The following GNB1L variants were observed in gnomAD, a reference collection of about 807,000 sequenced individuals.
GNB1L encodes G protein subunit beta 1 like, also known as guanine nucleotide-binding protein subunit beta-like protein 1.
Under a neutral mutation model 29.1 loss-of-function variants are expected in GNB1L, and 20 were observed. That is an observed-to-expected ratio of 0.69 (90% CI 0.48 to 1.00). The LOEUF (loss-of-function observed/expected upper bound fraction) is 1.00. Ranked by LOEUF, GNB1L falls within the 50% of genes least tolerant of loss-of-function variation. The pLI, the probability that GNB1L is intolerant of heterozygous loss-of-function variation, is 0.00. For missense variants in GNB1L, 421 were observed against 464.9 expected, an observed-to-expected ratio of 0.91 and a Z score of 0.87; for synonymous variants, 193 against 206.5, an observed-to-expected ratio of 0.93 and a Z score of 0.56.
intron 6 of GNB1L, among the ~76,000 whole-genome samples, chr22:19,804,778 G>C (rs374623495): frequency 6.6e-6 from 1 of 152,296 alleles, no homozygotes; most frequent in East Asian, 1.9e-4. Flanking sequence ...ACAGAAACAC[G>C]ATTTGTCCTC....
intron 2 of GNB1L, chr22:19,850,046 T>A: frequency 2.0e-6 from 2 of 985,778 alleles, no homozygotes; most frequent in South Asian, 4.7e-5. Flanking sequence ...GGAAGTCAGT[T>A]CTCTACCTGC....
At chr22:19,847,035 A>T in intron 2 of GNB1L, 1 of 985,434 alleles carries the variant, frequency 1.0e-6, no homozygotes, top group Non-Finnish European at 1.2e-6. Context: ...CCCAGCCCAT[A>T]GGATGATCAG....
At chr22:19,815,103 G>T (rs1937519540) in intron 4 of GNB1L, among the ~76,000 whole-genome samples, 1 of 152,070 alleles carries the variant, frequency 6.6e-6, no homozygotes, top group African/African-American at 2.4e-5. Context: ...AAGGGACTAA[G>T]GAGACGTGAC....
chr22:19,848,489 G>A, intron 2 of GNB1L: 4 of 985,508 alleles, frequency 4.1e-6, no homozygotes, highest in Non-Finnish European at 4.8e-6. Flanking sequence ...GAAAGGAGCT[G>A]TGTGCACTGC....
rs570972299 is a variant in GNB1L at position 19,816,082 on chromosome 22, G to A, written c.255-3635C>T. ...CGACAGCCCACAGCCATCCTGGGGC[G>A]TCGTGGCCTGTGTGGGGCCTCGCGG... On this transcript the variant is annotated intron_variant, in intron 4 of 7. Transcript: ENST00000329517. The surrounding 1 kb of genome is among the most constrained non-coding windows in gnomAD (Gnocchi z 4.4). 3.3e-5 allele frequency among the ~76,000 whole-genome samples: 5 copies of A among 152,298 alleles called. No individual in the cohort carries two copies. The highest frequency in any genetic ancestry group is 2.1e-4 in the South Asian group (1 of 4,832).
At chr22:19,793,007 C>G in intron 7 of GNB1L, 1 of 1,584,120 alleles carries the variant, frequency 6.3e-7, no homozygotes, top group Non-Finnish European at 8.6e-7. Context: ...GTCACTGGGG[C>G]GGCAACATCC....
Position 19,812,579 on chromosome 22 carries a change from G to A in GNB1L, c.255-132C>T, listed in dbSNP as rs557267197. 2,907 of 847,626 alleles carry A rather than the reference G, an allele frequency of 3.4e-3. 14 individuals carry two copies. Among genetic ancestry groups the A allele is most frequent in the Non-Finnish European group, 4.6e-3 (2,576 of 556,418 alleles). 52.5% of individuals were successfully genotyped at this position (847,626 alleles called of 1,614,324 possible). On this transcript the variant is annotated intron_variant, in intron 4 of 7. Coordinates refer to ENST00000329517, the MANE Select transcript of GNB1L (RefSeq NM_053004.3). ...CCGTGAGCTTGGATCATCGCAGGTC[G>A]GGAGCCTCAGCTGAGGAAGGGCCTC...
chr22:19,850,279 G>C (rs1263299975), intron 2 of GNB1L: 3 of 983,368 alleles, frequency 3.1e-6, no homozygotes, highest in African/African-American at 3.5e-5. Context: ...TTGTGTACCA[G>C]GCCACAGAGC....
Position 19,821,336 on chromosome 22 carries a change from G to A in GNB1L, c.20C>T (p.Pro7Leu), listed in dbSNP as rs139566986. The change falls in exon 3 of 8, where the codon CCG becomes CTG. Residue 7 changes from proline (P) to leucine (L), a missense_variant. Pro to Leu is a moderately conservative substitution (Grantham distance 98, BLOSUM62 -3). Coordinates refer to ENST00000329517, the MANE Select transcript of GNB1L (RefSeq NM_053004.3). ...GACAAACTGGGGGTCTGGAGGTGGC[G>A]GCGGGCAGGGGGCCGTCATGCTGGG... MTAPCP[P>L]PPPDPQFVLR... The A allele has an allele frequency of 4.8e-5, 78 of 1,612,706 alleles. No individual in the cohort carries two copies. In the Middle Eastern group the frequency reaches 6.6e-4, roughly 14 times the overall value.
At chr22:19,845,167 A>G (rs1325405189) in intron 2 of GNB1L, among the ~76,000 whole-genome samples, 20 of 152,210 alleles carry the variant, frequency 1.3e-4, no homozygotes, top group Admixed American at 1.2e-3. Flanking sequence ...TGGTGTGGCC[A>G]GGTGTATGTC....
At chr22:19,806,816 A>C (rs2145871527) in intron 5 of GNB1L, 59 bp from the exon 6 acceptor site, 1 of 1,173,788 alleles carries the variant, frequency 8.5e-7, no homozygotes, top group Non-Finnish European at 1.3e-6. Flanking sequence ...GCGCTATACA[A>C]ACAAGAGACT....
intron 2 of GNB1L, chr22:19,852,371 G>C: frequency 8.2e-7 from 1 of 1,223,336 alleles, no homozygotes; most frequent in Admixed American, 2.2e-5. Flanking sequence ...AACAGGGCGT[G>C]GCAGACCCGC....
chr22:19,787,275 A>G lies in GNB1L; in HGVS notation c.*1434T>C, dbSNP rs1314886951. The G allele has an allele frequency of 6.6e-6, 1 of 152,472 alleles. No homozygotes were observed. The highest frequency in any genetic ancestry group is 1.5e-5 in the Non-Finnish European group (1 of 68,360). 9.4% of individuals were successfully genotyped at this position (152,472 alleles called of 1,614,324 possible). ...TACCCCACGGCGGCTGGCCATGTCC[A>G]CTTCACTCAGTGCAGCCACCCTCAG... On this transcript the variant is annotated 3_prime_UTR_variant, in exon 8 of 8. Transcript: ENST00000329517.
At chr22:19,842,014 G>A (rs2145897360) in intron 2 of GNB1L, among the ~76,000 whole-genome samples, 1 of 152,326 alleles carries the variant, frequency 6.6e-6, no homozygotes, top group East Asian at 1.9e-4. Flanking sequence ...GGTGGCTGGT[G>A]AATGGGCTCC....
At chr22:19,823,785 T>C (rs1378087281) in intron 2 of GNB1L, among the ~76,000 whole-genome samples, 1 of 151,982 alleles carries the variant, frequency 6.6e-6, no homozygotes, top group Non-Finnish European at 1.5e-5. Flanking sequence ...ACATACATGT[T>C]CACACACCCA....
intron 7 of GNB1L, among the ~76,000 whole-genome samples, chr22:19,797,131 G>A (rs5748433): frequency 0.17 from 25,762 of 152,118 alleles, 2,750 homozygotes; most frequent in South Asian, 0.33. Context: ...TGGTGCAGGC[G>A]AAGACCAACC....
intron 6 of GNB1L, 44 bp downstream of exon 6, chr22:19,806,615 T>C (rs1474329061): frequency 1.4e-5 from 17 of 1,198,958 alleles, no homozygotes; most frequent in Non-Finnish European, 1.7e-5. Flanking sequence ...CTCATGGCCG[T>C]GGGTGTGGCC....
intron 5 of GNB1L, among the ~76,000 whole-genome samples, chr22:19,807,693 C>T (rs1423563167): frequency 6.6e-6 from 1 of 152,230 alleles, no homozygotes; most frequent in Admixed American, 6.5e-5. Flanking sequence ...GTCCAAGCCC[C>T]TGAGGCTGGG....
intron 7 of GNB1L, among the ~76,000 whole-genome samples, chr22:19,796,298 C>A (rs1280752681): frequency 1.3e-5 from 2 of 152,158 alleles, no homozygotes; most frequent in African/African-American, 4.8e-5. Flanking sequence ...ACAGGACAGG[C>A]CTCTCTGCGC....
Sources: allele counts gnomAD v4.1 joint callset (sites outside exome capture counted in the v4.1 genomes callset), GRCh38; gene constraint gnomAD v4.1.1; non-coding constraint Gnocchi (gnomAD v3.1); transcripts MANE v1.5; gene names NCBI Gene and HGNC (gene_info 2026-07-23, HGNC 2026-07-21).